Variants in STAG2 observed in about 807,000 individuals in gnomAD.
STAG2 encodes the protein STAG2 cohesin complex component.
Under a neutral mutation model 108.1 loss-of-function variants are expected in STAG2, and 14 were observed. The observed-to-expected ratio is 0.13, with a 90% CI of 0.09 to 0.20. The LOEUF (loss-of-function observed/expected upper bound fraction) is 0.20. Among genes scored for constraint, STAG2 ranks in the 10% least tolerant of loss-of-function variants. The pLI is 1.00. For missense variants in STAG2, 440 were observed against 940.9 expected, an observed-to-expected ratio of 0.47 and a Z score of 6.96; for synonymous variants, 307 against 302.7, an observed-to-expected ratio of 1.01 and a Z score of -0.15.
intron 15 of STAG2, among the ~76,000 whole-genome samples, chrX:124,058,446 CG>C (rs35257533): frequency 8.9e-6 from 1 of 112,389 alleles, no homozygotes; most frequent in Non-Finnish European, 1.9e-5. Context: ...CCACTGCGCC[CG>C]GTCACTTTCT....
intron 1 of STAG2, among the ~76,000 whole-genome samples, chrX:124,016,426 T>A (rs1047614805): frequency 1.2e-4 from 14 of 112,482 alleles, no homozygotes; most frequent in Admixed American, 5.7e-4. Flanking sequence ...GATTTGTTAC[T>A]GTATTCCTTT....
Position 124,031,129 on chromosome X carries a change from A to G in STAG2, c.288+4A>G. On this transcript the variant is annotated splice_donor_region_variant and intron_variant, in intron 5 of 34. Coordinates refer to ENST00000371145, the MANE Select transcript of STAG2 (RefSeq NM_001042750.2). Reference sequence around the variant, plus strand: ...AATGGGCAAGAGTGCTATGCAGGTAAGATTTATGTTGTTCTTCCCAGTTCA... The same window carrying G: ...AATGGGCAAGAGTGCTATGCAGGTAGGATTTATGTTGTTCTTCCCAGTTCA... 1 of 1,199,124 alleles carries G rather than the reference A, an allele frequency of 8.3e-7. No homozygotes were observed. The highest frequency in any genetic ancestry group is 1.1e-6 in the Non-Finnish European group (1 of 889,876).
At chrX:124,034,605 C>T (rs1385574249) in intron 5 of STAG2, among the ~76,000 whole-genome samples, 1 of 111,054 alleles carries the variant, frequency 9.0e-6, no homozygotes, top group Non-Finnish European at 1.9e-5. Context: ...TTTTGTTTTT[C>T]TTGTTGTTTG....
intron 1 of STAG2, among the ~76,000 whole-genome samples, chrX:123,993,474 G>C (rs2055579317): frequency 9.1e-6 from 1 of 110,293 alleles, no homozygotes. Flanking sequence ...GCCACTGGTG[G>C]CTTATTCTCT....
At chrX:124,026,033 G>A in intron 4 of STAG2, 115 bp downstream of exon 4, 1 of 464,815 alleles carries the variant, frequency 2.2e-6, no homozygotes, top group Non-Finnish European at 3.6e-6. Context: ...GGGGGTGGGA[G>A]CTGATTGGTA....
At position 124,051,158 on chromosome X, in the gene STAG2, A is replaced by G. The variant is rs2058028957; in HGVS notation, c.1055A>G (p.Gln352Arg). The G allele has an allele frequency of 8.6e-7, 1 of 1,166,992 alleles. No individual in the cohort carries two copies. The highest frequency in any genetic ancestry group is 3.0e-5 in the East Asian group (1 of 32,900). ...AGACTCAAATGTCTTACTGCTCTAC[A>G]AGGGCTTTATTATAACAAAGAGCTT... ...EVRLKCLTAL[Q>R]GLYYNKELNS... The change falls in exon 12 of 35, where the codon CAA becomes CGA. Residue 352 changes from glutamine to arginine, a missense_variant. Physicochemically the swap from Gln to Arg is conservative, Grantham distance 43 (BLOSUM62 1). This residue lies in a region of STAG2 where 69 missense variants were observed against 254.9 expected (regional missense o/e 0.27). Coordinates refer to ENST00000371145, the MANE Select transcript of STAG2 (RefSeq NM_001042750.2).
chrX:124,006,492 G>A (rs1282569509), intron 1 of STAG2, among the ~76,000 whole-genome samples: 2 of 102,169 alleles, frequency 2.0e-5, no homozygotes, highest in African/African-American at 7.3e-5. Flanking sequence ...AGGCTGGAGT[G>A]CAGTGGCACA....
chrX:124,032,069 T>C (rs189406521), intron 5 of STAG2, among the ~76,000 whole-genome samples: 136 of 111,738 alleles, frequency 1.2e-3, no homozygotes, highest in African/African-American at 4.3e-3. Context: ...AGGTAAAAAA[T>C]AATTTGGTCA....
intron 23 of STAG2, among the ~76,000 whole-genome samples, 161 bp from the exon 24 acceptor site, chrX:124,068,403 G>C (rs1042993169): frequency 1.8e-5 from 2 of 111,771 alleles, no homozygotes; most frequent in African/African-American, 3.2e-5. Flanking sequence ...CCGTCTCTTT[G>C]TTTTCATTTC....
At chrX:124,058,972 ATTT>A (rs1313045412) in intron 15 of STAG2, among the ~76,000 whole-genome samples, 2 of 107,256 alleles carry the variant, frequency 1.9e-5, no homozygotes, top group Non-Finnish European at 3.9e-5. Context: ...CCTCTCCAAC[ATTT>A]TTTTTTTCAT....
intron 29 of STAG2, among the ~76,000 whole-genome samples, chrX:124,085,111 T>C (rs759726481): frequency 3.6e-5 from 4 of 112,275 alleles, no homozygotes; most frequent in South Asian, 3.7e-4. Flanking sequence ...TAGATTGATA[T>C]ATAATGGAAT....
chrX:124,005,837 A>G (rs978998842), intron 1 of STAG2, among the ~76,000 whole-genome samples: 1 of 111,310 alleles, frequency 9.0e-6, no homozygotes, highest in African/African-American at 3.3e-5. Flanking sequence ...GTCCAAGATC[A>G]AGGAGTTGGC....
intron 4 of STAG2, among the ~76,000 whole-genome samples, chrX:124,030,729 T>C (rs1450911420): frequency 9.0e-6 from 1 of 111,403 alleles, no homozygotes; most frequent in Non-Finnish European, 1.9e-5. Context: ...AGTCTGTCTG[T>C]CTGCAGAGGC....
chrX:123,985,950 A>G lies in STAG2; in HGVS notation c.-163+24094A>G, dbSNP rs1311219534. On this transcript the variant is annotated intron_variant, in intron 1 of 34. Transcript: ENST00000371145. ...TAGTAATATGAACACTGGGACATAT[A>G]TCCTGTGTTCTCTGGTTCTGGTTCT... 2.8e-5 allele frequency among the ~76,000 whole-genome samples: 3 copies of G among 108,424 alleles called. No homozygotes were observed. In the East Asian group the frequency reaches 8.6e-4, roughly 31 times the overall value. The allele number at this position is 108,424 out of a possible 115,157, so 94.2% of individuals were successfully genotyped here. A position where few individuals can be genotyped will look rare whatever the true frequency, so the allele number is the denominator to read the frequency against.
rs769218214 is a variant in STAG2 at position 124,027,949 on chromosome X, G to A, written c.123+2031G>A. Reference sequence around the variant, plus strand: ...CTTGCACATTTTTTTTTCTAGCACAGCATACCCATTCTGCCATTTTAATTG... The same window carrying A: ...CTTGCACATTTTTTTTTCTAGCACAACATACCCATTCTGCCATTTTAATTG... On this transcript the variant is annotated intron_variant, in intron 4 of 34. Coordinates refer to ENST00000371145, the MANE Select transcript of STAG2 (RefSeq NM_001042750.2). 7.2e-5 allele frequency among the ~76,000 whole-genome samples: 8 copies of A among 110,603 alleles called. No homozygotes were observed. In the South Asian group the frequency reaches 2.7e-3, roughly 37 times the overall value.
At chrX:124,056,754 A>AC (rs1350845665) in intron 14 of STAG2, among the ~76,000 whole-genome samples, 1 of 106,467 alleles carries the variant, frequency 9.4e-6, no homozygotes, top group African/African-American at 3.4e-5. Context: ...AAAAAAAAAA[A>AC]GGGAAATGTA....
chrX:124,062,850 C>G, intron 17 of STAG2, 52 bp from the exon 18 acceptor site: 5 of 989,401 alleles, frequency 5.1e-6, no homozygotes, highest in Non-Finnish European at 7.0e-6. Context: ...AACTTGAACA[C>G]TTAACAGTGC....
rs777611309 is a variant in STAG2 at position 124,090,942 on chromosome X, C to T, written c.3556C>T (p.Arg1186Ter). 8.3e-7 allele frequency: 1 copy of T among 1,203,092 alleles called. No homozygotes were observed. ...AGCAGCAATGAGCTATGTTAAACTG[C>T]GAACTAATCTTCAGCATGCCATGTA... ...ERAAMSYVKL[R>*]TNLQHAIRRG... Residue 1186 changes from arginine to a stop codon, truncating the protein, a stop_gained, in exon 32 of 35, where the codon CGA becomes TGA. Coordinates refer to ENST00000371145, the MANE Select transcript of STAG2 (RefSeq NM_001042750.2). LOFTEE classifies it high-confidence loss of function.
chrX:124,079,018 G>A (rs1356225344), intron 27 of STAG2, among the ~76,000 whole-genome samples: 1 of 110,568 alleles, frequency 9.0e-6, no homozygotes, highest in Non-Finnish European at 1.9e-5. Flanking sequence ...CAGTGTTGAG[G>A]CATTTAATTA....
Sources: allele counts gnomAD v4.1 joint callset (sites outside exome capture counted in the v4.1 genomes callset), GRCh38; gene constraint gnomAD v4.1.1; regional missense constraint gnomAD v4.1.1; transcripts MANE v1.5; gene names NCBI Gene and HGNC (gene_info 2026-07-23, HGNC 2026-07-21).